Variants in ALDH7A1 observed in about 807,000 individuals in gnomAD.
The protein encoded by ALDH7A1 is aldehyde dehydrogenase 7 family member A1, also known as alpha-aminoadipic semialdehyde dehydrogenase.
A neutral mutation model predicts 79.9 loss-of-function variants in ALDH7A1; 63 were observed. The ratio of observed to expected loss-of-function variants is 0.79; its 90% CI spans 0.64 to 0.97. The LOEUF is 0.97. Among genes scored for constraint, ALDH7A1 ranks in the 50% least tolerant of loss-of-function variants. The pLI, the probability that ALDH7A1 is intolerant of heterozygous loss-of-function variation, is 0.00. For synonymous variants in ALDH7A1, 240 were observed against 231.2 expected, an observed-to-expected ratio of 1.04 and a Z score of -0.34; for missense variants, 627 against 665.2, an observed-to-expected ratio of 0.94 and a Z score of 0.63.
intron 10 of ALDH7A1, 99 bp from the exon 11 acceptor site, chr5:126,559,433 GGTTTT>G: frequency 8.8e-6 from 5 of 569,822 alleles, no homozygotes; most frequent in South Asian, 4.0e-5. Flanking sequence ...TTTTGGTTTT[GGTTTT>G]TTTTTTTTTT....
At chr5:126,594,962 G>A (rs773608634) in intron 1 of ALDH7A1, 45 bp downstream of exon 1, 2 of 1,554,172 alleles carry the variant, frequency 1.3e-6, no homozygotes, top group Non-Finnish European at 1.7e-6. Flanking sequence ...CGGCCTCCTC[G>A]AGCGAGCCCC....
chr5:126,572,054 A>G (rs774477892), intron 7 of ALDH7A1, among the ~76,000 whole-genome samples: 2 of 152,186 alleles, frequency 1.3e-5, no homozygotes, highest in Non-Finnish European at 2.9e-5. Flanking sequence ...AAATGGCTAA[A>G]ATAATTCTGG....
chr5:126,585,567 A>G (rs1169343079), intron 3 of ALDH7A1, among the ~76,000 whole-genome samples: 1 of 151,830 alleles, frequency 6.6e-6, no homozygotes, highest in Non-Finnish European at 1.5e-5. Flanking sequence ...TGTTTTATCT[A>G]TTTATTTTTT....
intron 17 of ALDH7A1, among the ~76,000 whole-genome samples, chr5:126,545,246 G>GT (rs200634440): frequency 3.3e-5 from 5 of 151,726 alleles, no homozygotes; most frequent in East Asian, 2.0e-4. Context: ...ACCATACATG[G>GT]TTTTTTTTGT....
intron 14 of ALDH7A1, among the ~76,000 whole-genome samples, chr5:126,551,647 C>T (rs996521590): frequency 6.6e-6 from 1 of 152,048 alleles, no homozygotes; most frequent in Non-Finnish European, 1.5e-5. Context: ...GTATTACCCC[C>T]ACATGTTCTC....
chr5:126,576,027 C>T (rs777853479), intron 6 of ALDH7A1, among the ~76,000 whole-genome samples: 11 of 151,882 alleles, frequency 7.2e-5, no homozygotes, highest in Non-Finnish European at 1.5e-5. Context: ...TCTGGGGGGC[C>T]GAGACGGGCG....
chr5:126,543,816 T>G lies in ALDH7A1; in HGVS notation c.*1149A>C, dbSNP rs952578363. 2 of 152,174 alleles carry G rather than the reference T, an allele frequency of 1.3e-5. No homozygotes were observed. The highest frequency in any genetic ancestry group is 4.8e-5 in the African/African-American group (2 of 41,412). The allele number at this position is 152,174 out of a possible 1,614,324, so 9.4% of individuals were successfully genotyped here. On this transcript the variant is annotated 3_prime_UTR_variant, in exon 18 of 18. Transcript: ENST00000409134. ...GCTTCCCAGTGAGAAAAGGTGAGACTGTCAGCAAAGAGAAAGTGAACTTTG... is the reference window on the plus strand; with the variant it reads ...GCTTCCCAGTGAGAAAAGGTGAGACGGTCAGCAAAGAGAAAGTGAACTTTG...
chr5:126,558,122 G>A lies in ALDH7A1; in HGVS notation c.1008+1118C>T, dbSNP rs528383519. ...GGTGGAGGTTGCAGTGAGCAAGATC[G>A]CGCCACTACACTCCAACCTGGGCAA... On this transcript the variant is annotated intron_variant, in intron 11 of 17. Transcript: ENST00000409134. Among the ~76,000 whole-genome samples, 460 of 125,518 alleles carry A rather than the reference G, an allele frequency of 3.7e-3. 2 individuals carry two copies. The highest frequency in any genetic ancestry group is 0.012 in the African/African-American group (409 of 32,814). The allele number at this position is 125,518 out of a possible 152,430, so 82.3% of individuals were successfully genotyped here.
rs776230027 is a variant in ALDH7A1 at position 126,554,282 on chromosome 5, C to T, written c.1200+5G>A. 6.2e-7 allele frequency: 1 copy of T among 1,612,962 alleles called. No individual in the cohort carries two copies. The highest frequency in any genetic ancestry group is 1.1e-5 in the South Asian group (1 of 91,046). ...TGTCACAATTGATCTCAGAGCATCCCTTACCTTGCCCCCATAGACCACTGT... is the reference window on the plus strand; with the variant it reads ...TGTCACAATTGATCTCAGAGCATCCTTTACCTTGCCCCCATAGACCACTGT... On this transcript the variant is annotated splice_donor_5th_base_variant and intron_variant, in intron 13 of 17. Transcript: ENST00000409134.
chr5:126,571,180 C>T, intron 7 of ALDH7A1: 1 of 288,082 alleles, frequency 3.5e-6, no homozygotes, highest in Non-Finnish European at 6.4e-6. Flanking sequence ...TTTTTTTAGC[C>T]CTAAAAGAAT....
intron 1 of ALDH7A1, chr5:126,594,094 G>A (rs1358915592): frequency 5.2e-6 from 2 of 382,236 alleles, no homozygotes; most frequent in Non-Finnish European, 1.1e-5. Flanking sequence ...AAATCTGGGC[G>A]ATAATAACCT....
At chr5:126,590,921 A>G (rs1436726067) in intron 3 of ALDH7A1, among the ~76,000 whole-genome samples, 1 of 151,616 alleles carries the variant, frequency 6.6e-6, no homozygotes, top group Non-Finnish European at 1.5e-5. Context: ...TTAGGATGGT[A>G]TGGAATGCAA....
chr5:126,595,135 A>G lies in ALDH7A1; in HGVS notation c.64T>C (p.Trp22Arg). The change falls in exon 1 of 18, where the codon TGG (tryptophan) becomes CGG (arginine). Residue 22 changes from tryptophan (W) to arginine (R), a missense_variant. Transcript: ENST00000409134. ...GACATGAAGGCGGCAGGCCTGCTCC[A>G]AGGTCCAGAGAGCTTGCTGGTCTTT... The part of the protein sequence containing the change: ...AAKTSKLSGP[W>R]SRPAAFMSTL... The G allele has an allele frequency of 6.4e-7, 1 of 1,569,784 alleles. No homozygotes were observed. The highest frequency in any genetic ancestry group is 1.2e-5 in the South Asian group (1 of 85,640).
At chr5:126,576,888 T>C (rs1478602393) in intron 6 of ALDH7A1, among the ~76,000 whole-genome samples, 191 bp downstream of exon 6, 1 of 151,984 alleles carries the variant, frequency 6.6e-6, no homozygotes, top group Non-Finnish European at 1.5e-5. Context: ...GTTCGCACCA[T>C]TACACTCCAG....
At chr5:126,585,585 G>A (rs1204017027) in intron 3 of ALDH7A1, among the ~76,000 whole-genome samples, 1 of 151,950 alleles carries the variant, frequency 6.6e-6, no homozygotes, top group African/African-American at 2.4e-5. Flanking sequence ...TTTGAGACGG[G>A]GTCTCGCTCT....
intron 1 of ALDH7A1, chr5:126,594,438 ATTTTTTTTTTT>A (rs34684581): frequency 1.6e-5 from 3 of 184,586 alleles, no homozygotes; most frequent in South Asian, 1.6e-4. Context: ...TAAGGTTTTA[ATTTTTTTTTTT>A]TTTTTTTTTT....
At chr5:126,584,659 CAAAAAAAAA>C (rs35736560) in intron 3 of ALDH7A1, among the ~76,000 whole-genome samples, 6 of 62,248 alleles carry the variant, frequency 9.6e-5, no homozygotes, top group African/African-American at 3.7e-4. Flanking sequence ...CACTCCATCT[CAAAAAAAAA>C]AAAAAAAAAA....
intron 9 of ALDH7A1, among the ~76,000 whole-genome samples, chr5:126,565,241 A>G (rs540613555): frequency 6.6e-6 from 1 of 152,034 alleles, no homozygotes; most frequent in East Asian, 1.9e-4. Flanking sequence ...AAAAATACAA[A>G]AATTAGTCGG....
At chr5:126,587,874 ACT>A (rs1368983921) in intron 3 of ALDH7A1, 1 of 151,804 alleles carries the variant, frequency 6.6e-6, no homozygotes, top group Admixed American at 6.6e-5. Flanking sequence ...ATTAGGAAAA[ACT>A]CTGCCTCTTC....
Sources: allele counts gnomAD v4.1 joint callset (sites outside exome capture counted in the v4.1 genomes callset), GRCh38; gene constraint gnomAD v4.1.1; transcripts MANE v1.5; gene names NCBI Gene and HGNC (gene_info 2026-07-23, HGNC 2026-07-21).